The following ELAPOR2 variants were observed in gnomAD, a reference collection of about 807,000 sequenced individuals.
The protein encoded by ELAPOR2 is endosome/lysosome-associated apoptosis and autophagy regulator family member 2.
ELAPOR2 carries 89 observed loss-of-function variants against 120.7 expected under a neutral mutation model. The observed-to-expected ratio is 0.74, with a 90% CI of 0.62 to 0.88. ELAPOR2 has a LOEUF of 0.88. ELAPOR2 is among the 40% of genes least tolerant of loss of function. The probability of loss-of-function intolerance (pLI) is 0.00; values close to 1 mark genes in which losing one functional copy is unlikely to be tolerated. For missense variants in ELAPOR2, 1,134 were observed against 1,251.6 expected (o/e 0.91, Z 1.42); for synonymous variants, 444 against 444.9 (o/e 1.00, Z 0.03).
rs960684611 is a variant in ELAPOR2, at chr7:86,877,024, T to A, written c.*3447A>T. 1.3e-5 allele frequency: 2 copies of A among 152,146 alleles called. No homozygotes were observed. The highest frequency in any genetic ancestry group is 1.3e-4 in the Admixed American group (2 of 15,268). The allele number at this position is 152,146 out of a possible 1,614,324, so 9.4% of individuals were successfully genotyped here. A position where few individuals can be genotyped will look rare whatever the true frequency, so the allele number is the denominator to read the frequency against. On this transcript the variant is annotated 3_prime_UTR_variant, in exon 22 of 22. Coordinates refer to ENST00000450689, the MANE Select transcript of ELAPOR2 (RefSeq NM_001142749.3). ...TTGAGTAAATGCAATAGAGCCCACA[T>A]GCCCTGCAAAGCCAAAACTATGTAC...
At chr7:86,954,583 C>G (rs1791396505) in intron 2 of ELAPOR2, among the ~76,000 whole-genome samples, 1 of 152,080 alleles carries the variant, frequency 6.6e-6, no homozygotes, top group South Asian at 2.1e-4. Flanking sequence ...CCTATGCAAA[C>G]TTATTACAGA....
At position 86,991,223 on chromosome 7, in the gene ELAPOR2, G is replaced by A. The variant is rs112066745; in HGVS notation, c.190-26199C>T. 6.2e-3 allele frequency among the ~76,000 whole-genome samples: 939 copies of A among 152,292 alleles called. 11 individuals are homozygous for A. Among genetic ancestry groups the A allele is most frequent in the African/African-American group, 0.022 (907 of 41,546 alleles). Reference sequence around the variant, plus strand: ...GACTTGGCACAGAGCAGCTTTGTGGGTGACCATATCAGGTGATTGATGTAT... The same window carrying A: ...GACTTGGCACAGAGCAGCTTTGTGGATGACCATATCAGGTGATTGATGTAT... On this transcript the variant is annotated intron_variant, in intron 1 of 21. Coordinates refer to ENST00000450689, the MANE Select transcript of ELAPOR2 (RefSeq NM_001142749.3).
chr7:87,044,388 G>T (rs1200682674), intron 1 of ELAPOR2, among the ~76,000 whole-genome samples: 6 of 93,610 alleles, frequency 6.4e-5, no homozygotes, highest in African/African-American at 9.2e-5. Flanking sequence ...AAAACAGCAT[G>T]GTACTGGTAC....
At chr7:86,907,549 C>G in intron 18 of ELAPOR2, 121 bp downstream of exon 18, 1 of 652,650 alleles carries the variant, frequency 1.5e-6, no homozygotes, top group East Asian at 3.3e-5. Flanking sequence ...AAAAAAAAAC[C>G]CTACAGATTG....
At chr7:87,005,129 TG>T (rs1793431274) in intron 1 of ELAPOR2, among the ~76,000 whole-genome samples, 1 of 152,044 alleles carries the variant, frequency 6.6e-6, no homozygotes, top group African/African-American at 2.4e-5. Context: ...CCACAAAAAA[TG>T]AATTGTCATT....
chr7:86,929,413 G>A (rs1400322862), intron 8 of ELAPOR2, among the ~76,000 whole-genome samples: 1 of 151,908 alleles, frequency 6.6e-6, no homozygotes, highest in Non-Finnish European at 1.5e-5. Context: ...GGCTCAGGTG[G>A]TCTCAGCCAA....
chr7:87,012,245 A>G (rs1463416782), intron 1 of ELAPOR2, among the ~76,000 whole-genome samples: 2 of 152,146 alleles, frequency 1.3e-5, no homozygotes, highest in Admixed American at 6.5e-5. Flanking sequence ...CCCTGTCTCT[A>G]CTAAAAATAC....
At chr7:86,985,830 A>G (rs1470013651) in intron 1 of ELAPOR2, among the ~76,000 whole-genome samples, 1 of 135,982 alleles carries the variant, frequency 7.4e-6, no homozygotes, top group Non-Finnish European at 1.6e-5. Context: ...CCCCCACCCC[A>G]CAACAGGCCC....
chr7:87,025,776 GT>G (rs1466126294), intron 1 of ELAPOR2, among the ~76,000 whole-genome samples: 10 of 151,996 alleles, frequency 6.6e-5, no homozygotes, highest in African/African-American at 2.4e-4. Flanking sequence ...AACATTTCAA[GT>G]AAAATCAAAT....
chr7:86,901,459 T>C (rs1285712458), intron 18 of ELAPOR2, among the ~76,000 whole-genome samples: 1 of 152,216 alleles, frequency 6.6e-6, no homozygotes, highest in Non-Finnish European at 1.5e-5. Context: ...TATTATGAAT[T>C]CATGGAGAAG....
chr7:87,059,189 G>A (rs1053037459), intron 1 of ELAPOR2, 136 bp downstream of exon 1: 2 of 1,198,316 alleles, frequency 1.7e-6, no homozygotes, highest in Non-Finnish European at 2.1e-6. Flanking sequence ...TTCACCCCTC[G>A]AAGCAAACGA....
At chr7:87,003,741 T>A (rs1180064859) in intron 1 of ELAPOR2, among the ~76,000 whole-genome samples, 1 of 152,170 alleles carries the variant, frequency 6.6e-6, no homozygotes, top group Non-Finnish European at 1.5e-5. Context: ...CATCAAGGAA[T>A]GTAAACTTAT....
chr7:86,919,369 C>G lies in ELAPOR2; in HGVS notation c.1400-59G>C, dbSNP rs938867281. 11 of 1,023,828 alleles carry G rather than the reference C, an allele frequency of 1.1e-5. No individual in the cohort carries two copies. In the African/African-American group the frequency reaches 1.5e-4, roughly 14 times the overall value. The allele number at this position is 1,023,828 out of a possible 1,614,324, so 63.4% of individuals were successfully genotyped here. On this transcript the variant is annotated intron_variant, in intron 10 of 21. Transcript: ENST00000450689. ...AATTCCATTAATGATCTCCAACAAT[C>G]TGTTTAAATAAGGTAAAAATAAAAA...
intron 2 of ELAPOR2, among the ~76,000 whole-genome samples, chr7:86,962,646 AT>A (rs1386686999): frequency 2.6e-5 from 4 of 152,202 alleles, no homozygotes; most frequent in African/African-American, 9.7e-5. Flanking sequence ...CATAAGGTAA[AT>A]TACTTCACCA....
intron 1 of ELAPOR2, among the ~76,000 whole-genome samples, chr7:87,022,792 CT>C: frequency 6.6e-6 from 1 of 151,258 alleles, no homozygotes. Flanking sequence ...GAGATGGTAC[CT>C]CATTGTGGTT....
At chr7:86,918,970 T>C (rs1277910971) in intron 11 of ELAPOR2, among the ~76,000 whole-genome samples, 1 of 152,162 alleles carries the variant, frequency 6.6e-6, no homozygotes, top group Non-Finnish European at 1.5e-5. Context: ...AAAGTTATGG[T>C]AGCATTTGGA....
chr7:86,947,804 C>G lies in ELAPOR2; in HGVS notation c.429G>C (p.Pro143=). The G allele has an allele frequency of 1.9e-6, 3 of 1,551,846 alleles. No homozygotes were observed. Among genetic ancestry groups the G allele is most frequent in the Non-Finnish European group, 2.6e-6 (3 of 1,147,014 alleles). ...ATGTTGCGATGTTAGAAAATCCTGC[C>G]GGCAATTCATCCCATTCATCAAATT... ...GIKFDEWDEL[P]AGFSNIATFM... is the part of the protein sequence containing the mutation. The change falls in exon 3 of 22, where the codon CCG becomes CCC. Residue 143 remains proline, a synonymous_variant. Coordinates refer to ENST00000450689, the MANE Select transcript of ELAPOR2 (RefSeq NM_001142749.3).
chr7:87,039,955 C>T (rs1317095931), intron 1 of ELAPOR2, among the ~76,000 whole-genome samples: 1 of 152,106 alleles, frequency 6.6e-6, no homozygotes, highest in African/African-American at 2.4e-5. Flanking sequence ...TTGCCTCACT[C>T]GGGAAGCGCA....
At chr7:86,941,984 T>A in intron 5 of ELAPOR2, 34 bp downstream of exon 5, 1 of 1,316,540 alleles carries the variant, frequency 7.6e-7, no homozygotes, top group Non-Finnish European at 1.1e-6. Flanking sequence ...GAAGGAAAAA[T>A]TGGCAAAGAA....
Sources: allele counts gnomAD v4.1 joint callset (sites outside exome capture counted in the v4.1 genomes callset), GRCh38; gene constraint gnomAD v4.1.1; transcripts MANE v1.5; gene names NCBI Gene and HGNC (gene_info 2026-07-23, HGNC 2026-07-21).